GPX6: variants seen among roughly 807,000 people sequenced by gnomAD.
GPX6 encodes glutathione peroxidase 6.
In GPX6, 21 loss-of-function variants were observed where a neutral mutation model predicts 20.0. The ratio of observed to expected loss-of-function variants is 1.05; its 90% CI spans 0.74 to 1.51. GPX6 has a LOEUF of 1.51. Ranked by LOEUF, GPX6 falls within the 40% of genes most tolerant of loss-of-function variation. GPX6 has a pLI of 0.00. For missense variants in GPX6, 233 were observed against 254.7 expected, an observed-to-expected ratio of 0.91 and a Z score of 0.58; for synonymous variants, 75 against 98.0, an observed-to-expected ratio of 0.77 and a Z score of 1.38.
intron 2 of GPX6, among the ~76,000 whole-genome samples, chr6:28,510,149 T>C (rs1581839045): frequency 6.6e-6 from 1 of 152,228 alleles, no homozygotes; most frequent in Non-Finnish European, 1.5e-5. Flanking sequence ...ACAAGGCCAC[T>C]GCATAATTGT....
At chr6:28,513,756 A>G (rs1263473665) in intron 1 of GPX6, among the ~76,000 whole-genome samples, 1 of 152,234 alleles carries the variant, frequency 6.6e-6, no homozygotes, top group Admixed American at 6.5e-5. Flanking sequence ...AGAGTAATTT[A>G]AACTGGGCTT....
intron 1 of GPX6, among the ~76,000 whole-genome samples, chr6:28,514,200 A>G (rs1000297654): frequency 6.6e-6 from 1 of 152,164 alleles, no homozygotes; most frequent in Non-Finnish European, 1.5e-5. Context: ...CCTTTGTGCT[A>G]CCTTAGCTCT....
chr6:28,511,760 C>T (rs2113604113), intron 1 of GPX6, among the ~76,000 whole-genome samples: 1 of 152,388 alleles, frequency 6.6e-6, no homozygotes, highest in East Asian at 1.9e-4. Context: ...GCCCTTCAGC[C>T]CGCGGCTGCA....
At chr6:28,515,037 A>G (rs185624957) in intron 1 of GPX6, among the ~76,000 whole-genome samples, 119 of 152,228 alleles carry the variant, frequency 7.8e-4, no homozygotes, top group Non-Finnish European at 1.4e-3. Flanking sequence ...AACAAAGCCT[A>G]CTCTGAGCTG....
chr6:28,514,750 A>G (rs997843075), intron 1 of GPX6, among the ~76,000 whole-genome samples: 1 of 152,234 alleles, frequency 6.6e-6, no homozygotes, highest in Non-Finnish European at 1.5e-5. Flanking sequence ...AAGTCTGGGA[A>G]TCACTGCATT....
At chr6:28,511,105 TTG>T (rs1190850421) in intron 1 of GPX6, among the ~76,000 whole-genome samples, 2 of 152,180 alleles carry the variant, frequency 1.3e-5, no homozygotes, top group Admixed American at 6.5e-5. Flanking sequence ...AGCCATTTTT[TTG>T]TGTGTGTGGC....
intron 1 of GPX6, among the ~76,000 whole-genome samples, chr6:28,513,510 C>T (rs1352628905): frequency 1.3e-5 from 2 of 152,162 alleles, no homozygotes; most frequent in African/African-American, 2.4e-5. Flanking sequence ...GGAACTTTTC[C>T]GGTTTCGCTG....
Position 28,505,751 on chromosome 6 carries a change from T to C in GPX6, c.411A>G (p.Lys137=), listed in dbSNP as rs754742853. 44 of 1,613,922 alleles carry C rather than the reference T, an allele frequency of 2.7e-5. No homozygotes were observed. Among genetic ancestry groups the C allele is most frequent in the Non-Finnish European group, 3.5e-5 (41 of 1,179,912 alleles). The change falls in exon 4 of 5, where the codon AAA becomes AAG. Residue 137 remains lysine (K), a synonymous_variant. Transcript: ENST00000361902. ...GTTCTTTTTCTCCATTCACATCCCC[T>C]TTCTCAAAGAGCTGGAAACTGGGGA... ...GFVPSFQLFE[K]GDVNGEKEQK... is the part of the protein sequence containing the mutation.
chr6:28,513,767 C>T (rs1762972219), intron 1 of GPX6, among the ~76,000 whole-genome samples: 1 of 152,184 alleles, frequency 6.6e-6, no homozygotes, highest in Non-Finnish European at 1.5e-5. Flanking sequence ...AACTGGGCTT[C>T]ACAGGATCTC....
Position 28,515,721 on chromosome 6 carries a change from G to A in GPX6, c.23C>T (p.Ser8Phe). The change falls in exon 1 of 5, where the codon TCC becomes TTC. Residue 8 changes from serine (S) to phenylalanine (F), a missense_variant. Transcript: ENST00000361902. MFQQFQASCLVLFFLVGF... is the reference protein window; with the variant it reads MFQQFQAFCLVLFFLVGF... ...AACCAGGAAAAACAGGACAAGACAG[G>A]AGGCCTGGAACTGCTGGAACATGGC... 3 of 1,613,996 alleles carry A rather than the reference G, an allele frequency of 1.9e-6. No homozygotes were observed. The highest frequency in any genetic ancestry group is 2.5e-6 in the Non-Finnish European group (3 of 1,179,898).
At chr6:28,505,663 T>G in intron 4 of GPX6, 40 bp downstream of exon 4, 1 of 1,507,674 alleles carries the variant, frequency 6.6e-7, no homozygotes. Context: ...TTCAGAGCAT[T>G]TCTAGCTAAC....
At chr6:28,507,749 A>G (rs1762820565) in intron 2 of GPX6, among the ~76,000 whole-genome samples, 2 of 152,164 alleles carry the variant, frequency 1.3e-5, no homozygotes, top group Admixed American at 6.5e-5. Context: ...TAATTTTAGT[A>G]CAGACAGGGT....
chr6:28,509,365 C>CAAAAA (rs34508933), intron 2 of GPX6, among the ~76,000 whole-genome samples: 89 of 101,102 alleles, frequency 8.8e-4, no homozygotes, highest in African/African-American at 2.8e-3. Context: ...GCTAAAAATG[C>CAAAAA]AAAAAAAAAA....
rs1432372668 is a variant in GPX6 at position 28,511,552 on chromosome 6, C to CT, written c.88-649dup. 3.9e-5 allele frequency among the ~76,000 whole-genome samples: 6 copies of CT among 152,392 alleles called. No individual in the cohort carries two copies. In the East Asian group the frequency reaches 9.6e-4, roughly 24 times the overall value. Reference sequence around the variant, plus strand: ...AAATGGGTCTGTGCCTATAAAAACTCTGAGACCCTAGCAGCCAGAGGCACT... The same window carrying CT: ...AAATGGGTCTGTGCCTATAAAAACTCTTGAGACCCTAGCAGCCAGAGGCACT... On this transcript the variant is annotated intron_variant, in intron 1 of 4. Coordinates refer to ENST00000361902, the MANE Select transcript of GPX6 (RefSeq NM_182701.1).
chr6:28,504,140 T>G lies in GPX6; in HGVS notation c.*152A>C. ...CACACACACAGCTACACACACATGC[T>G]AAGCAGGTGCTTGGGTAGTACAGGA... is the stretch of plus-strand genomic sequence containing the variant. On this transcript the variant is annotated 3_prime_UTR_variant, in exon 5 of 5. Transcript: ENST00000361902. The G allele has an allele frequency of 1.6e-6, 1 of 626,426 alleles. No homozygotes were observed. Among genetic ancestry groups the G allele is most frequent in the Non-Finnish European group, 2.8e-6 (1 of 356,694 alleles). 38.8% of individuals were successfully genotyped at this position (626,426 alleles called of 1,614,324 possible).
chr6:28,513,636 C>T (rs1020229570), intron 1 of GPX6, among the ~76,000 whole-genome samples: 1 of 152,162 alleles, frequency 6.6e-6, no homozygotes, highest in South Asian at 2.1e-4. Flanking sequence ...TTTCTACCCA[C>T]AAGCATGCCA....
intron 1 of GPX6, among the ~76,000 whole-genome samples, chr6:28,511,711 C>A (rs1453979872): frequency 6.6e-6 from 1 of 152,280 alleles, no homozygotes; most frequent in Non-Finnish European, 1.5e-5. Flanking sequence ...CTCTCCGCGC[C>A]TCCTCGGCCT....
chr6:28,514,414 C>T (rs1322196516), intron 1 of GPX6, among the ~76,000 whole-genome samples: 1 of 152,150 alleles, frequency 6.6e-6, no homozygotes, highest in Admixed American at 6.5e-5. Context: ...TATTTTACAT[C>T]GAGAATTCCA....
chr6:28,504,846 G>GAA (rs538837489), intron 4 of GPX6, among the ~76,000 whole-genome samples: 3 of 150,678 alleles, frequency 2.0e-5, no homozygotes, highest in Admixed American at 2.0e-4. Context: ...TTCCTTAGCA[G>GAA]AAAAAAAAAG....
Sources: allele counts gnomAD v4.1 joint callset (sites outside exome capture counted in the v4.1 genomes callset), GRCh38; gene constraint gnomAD v4.1.1; transcripts MANE v1.5; gene names NCBI Gene and HGNC (gene_info 2026-07-23, HGNC 2026-07-21).